BSX: variants seen among roughly 807,000 people sequenced by gnomAD.
BSX encodes the protein brain specific homeobox.
BSX carries 12 observed loss-of-function variants against 16.9 expected under a neutral mutation model. The observed-to-expected ratio is 0.71, with a 90% CI of 0.46 to 1.15. The LOEUF is 1.15. BSX is among the 50% of genes most tolerant of loss of function. The pLI, the probability that BSX is intolerant of heterozygous loss-of-function variation, is 0.00. For missense variants in BSX, 292 were observed against 311.8 expected (o/e 0.94, Z 0.48); for synonymous variants, 160 against 136.4 (o/e 1.17, Z -1.20).
At chr11:122,980,457 A>G (rs1180693735) in intron 1 of BSX, among the ~76,000 whole-genome samples, 1 of 151,908 alleles carries the variant, frequency 6.6e-6, no homozygotes, top group Non-Finnish European at 1.5e-5. Flanking sequence ...GGATTTACAA[A>G]CACTTTTAGC....
rs376150216 is a variant in BSX at position 122,977,621 on chromosome 11, T to A, written c.*28A>T. 9 of 1,592,848 alleles carry A rather than the reference T, an allele frequency of 5.7e-6. No individual in the cohort carries two copies. The highest frequency in any genetic ancestry group is 7.7e-6 in the Non-Finnish European group (9 of 1,176,104). On this transcript the variant is annotated 3_prime_UTR_variant, in exon 3 of 3. Transcript: ENST00000343035. The surrounding 1 kb of genome is among the most constrained non-coding windows in gnomAD (Gnocchi z 4.5). ...CGCTCGGCCCCGCAGTCTCCTCCCC[T>A]GCCTACTACCCTCCCCAGCCTGGCG...
intron 2 of BSX, among the ~76,000 whole-genome samples, chr11:122,978,790 C>CTTTTT: frequency 1.4e-5 from 1 of 72,072 alleles, no homozygotes; most frequent in Non-Finnish European, 2.9e-5. Flanking sequence ...TTTTCTTTTT[C>CTTTTT]TTTTCTTTTT....
At chr11:122,980,263 A>T (rs1018385096) in intron 1 of BSX, among the ~76,000 whole-genome samples, 5 of 152,004 alleles carry the variant, frequency 3.3e-5, no homozygotes, top group Admixed American at 2.0e-4. Context: ...TCTGTCTGAG[A>T]CGCACCAAGC....
chr11:122,979,452 G>A lies in BSX; in HGVS notation c.268C>T (p.Pro90Ser). ...GGGTGCGGGAACAGCGCTGGGACTG[G>A]CATCCCTGCAGAGAGAAGAGCAACC... ...HPYFLTTSGM[P>S]VPALFPHPQH... The change falls in exon 2 of 3, where the codon CCA becomes TCA. Residue 90 changes from proline (P) to serine (S), a missense_variant. Transcript: ENST00000343035. The A allele has an allele frequency of 1.2e-6, 2 of 1,610,592 alleles. No homozygotes were observed. Among genetic ancestry groups the A allele is most frequent in the East Asian group, 2.2e-5 (1 of 44,844 alleles).
At chr11:122,981,085 G>C (rs1260274715) in intron 1 of BSX, among the ~76,000 whole-genome samples, 1 of 152,202 alleles carries the variant, frequency 6.6e-6, no homozygotes, top group African/African-American at 2.4e-5. Context: ...ATGGACCAAA[G>C]TGGCCAGGAA....
rs757183629 is a variant in BSX, at chr11:122,979,328, A to T, written c.392T>A (p.Ile131Asn). 1 of 1,614,104 alleles carries T rather than the reference A, an allele frequency of 6.2e-7. No homozygotes were observed. The highest frequency in any genetic ancestry group is 8.5e-7 in the Non-Finnish European group (1 of 1,180,032). Residue 131 changes from isoleucine (I) to asparagine (N), a missense_variant, in exon 2 of 3, where the codon ATC becomes AAC. Transcript: ENST00000343035. ...QLSGLEKRFE[I>N]QRYLSTPERV... is the part of the protein sequence containing the mutation. ...TTCTGGCGTGGACAGGTAGCGCTGGATCTCGAACCTCTTCTCCAAGCCCGA... is the reference window on the plus strand; with the variant it reads ...TTCTGGCGTGGACAGGTAGCGCTGGTTCTCGAACCTCTTCTCCAAGCCCGA...
In BSX at chr11:122,977,768, C is replaced by G. The variant is rs761594912; in HGVS notation, c.583G>C (p.Ala195Pro). The G allele has an allele frequency of 6.2e-7, 1 of 1,612,482 alleles. No homozygotes were observed. The change falls in exon 3 of 3, where the codon GCC becomes CCC. Residue 195 changes from alanine to proline, a missense_variant. Ala to Pro is a conservative substitution (Grantham distance 27, BLOSUM62 -1). Transcript: ENST00000343035. The surrounding 1 kb of genome is among the most constrained non-coding windows in gnomAD (Gnocchi z 4.5). ...PEGSPRGSEA[A>P]TAAEARLSLP... ...CTCAGCCGAGCCTCGGCGGCGGTGGCGGCCTCTGAACCGCGGGGGCTGCCC... is the reference window on the plus strand; with the variant it reads ...CTCAGCCGAGCCTCGGCGGCGGTGGGGGCCTCTGAACCGCGGGGGCTGCCC...
Sources: allele counts gnomAD v4.1 joint callset (sites outside exome capture counted in the v4.1 genomes callset), GRCh38; gene constraint gnomAD v4.1.1; non-coding constraint Gnocchi (gnomAD v3.1); transcripts MANE v1.5; gene names NCBI Gene and HGNC (gene_info 2026-07-23, HGNC 2026-07-21).